The following KCNMA1 variants were observed in gnomAD, a reference collection of about 807,000 sequenced individuals.
The protein encoded by KCNMA1 is Calcium-activated potassium channel subunit alpha-1.
In KCNMA1, 29 loss-of-function variants were observed where a neutral mutation model predicts 140.0. The observed-to-expected ratio is 0.21, with a 90% CI of 0.15 to 0.28. KCNMA1 has a LOEUF of 0.28. Ranked by LOEUF, KCNMA1 falls within the 10% of genes least tolerant of loss-of-function variation. The pLI, the probability that KCNMA1 is intolerant of heterozygous loss-of-function variation, is 1.00. For synonymous variants in KCNMA1, 612 were observed against 611.9 expected (o/e 1.00, Z 0.00); for missense variants, 880 against 1,602.2 (o/e 0.55, Z 7.70).
At chr10:76,950,305 C>G (rs1214396367) in intron 21 of KCNMA1, among the ~76,000 whole-genome samples, 1 of 152,192 alleles carries the variant, frequency 6.6e-6, no homozygotes, top group Non-Finnish European at 1.5e-5. Flanking sequence ...GAGAAAAGAT[C>G]TCCCCAAATA....
intron 1 of KCNMA1, among the ~76,000 whole-genome samples, chr10:77,516,799 C>G (rs1031841778): frequency 3.3e-5 from 5 of 152,086 alleles, no homozygotes; most frequent in African/African-American, 1.2e-4. Flanking sequence ...AACGGGGGTG[C>G]CTGTGTGAGC....
intron 1 of KCNMA1, chr10:77,635,528 C>T (rs1197880795): frequency 6.6e-6 from 1 of 152,100 alleles, no homozygotes; most frequent in Non-Finnish European, 1.5e-5. Flanking sequence ...ATTCCCGAGA[C>T]TGTTGGGGGA....
chr10:77,001,606 G>A (rs1298063302), intron 18 of KCNMA1, 26 bp from the exon 19 acceptor site: 6 of 1,540,392 alleles, frequency 3.9e-6, no homozygotes, highest in Non-Finnish European at 5.3e-6. Context: ...TGGATGGGAG[G>A]AGAGGAAGAG....
At chr10:77,374,051 T>C (rs939801063) in intron 2 of KCNMA1, among the ~76,000 whole-genome samples, 4 of 152,166 alleles carry the variant, frequency 2.6e-5, no homozygotes, top group Admixed American at 1.3e-4. Context: ...CAATGGCTGA[T>C]TGAGAATCTT....
At chr10:77,588,345 A>G (rs1014293842) in intron 1 of KCNMA1, among the ~76,000 whole-genome samples, 2 of 152,232 alleles carry the variant, frequency 1.3e-5, no homozygotes, top group African/African-American at 4.8e-5. Flanking sequence ...TGTAGGGGAC[A>G]GAATGCAGAA....
chr10:77,308,668 T>A (rs1006752458), intron 2 of KCNMA1, among the ~76,000 whole-genome samples: 2 of 152,192 alleles, frequency 1.3e-5, no homozygotes, highest in African/African-American at 4.8e-5. Context: ...AATGGCAGCA[T>A]GAGGGATCAC....
At chr10:77,352,520 C>T (rs1396883223) in intron 2 of KCNMA1, among the ~76,000 whole-genome samples, 3 of 152,184 alleles carry the variant, frequency 2.0e-5, no homozygotes, top group Non-Finnish European at 4.4e-5. Flanking sequence ...CAAAGAGAAA[C>T]TGAACCTGTA....
intron 15 of KCNMA1, 142 bp downstream of exon 15, chr10:77,039,386 A>T: frequency 1.4e-6 from 1 of 701,956 alleles, no homozygotes; most frequent in Non-Finnish European, 2.6e-6. Flanking sequence ...CCTCCTATTC[A>T]TCACATGGGG....
At position 76,887,389 on chromosome 10, in the gene KCNMA1, C is replaced by T. The variant is rs75138661; in HGVS notation, c.3588G>A (p.Ser1196=). 42 of 1,613,928 alleles carry T rather than the reference C, an allele frequency of 2.6e-5. No individual in the cohort carries two copies. Among genetic ancestry groups the T allele is most frequent in the Admixed American group, 1.0e-4 (6 of 59,990 alleles). ...RASLSHSSHS[S]QSSSKKSSSV... The stretch of plus-strand genomic sequence containing the variant: ...AGGAGCTCTTCTTGCTGGAGGACTG[C>T]GACGAGTGGGAGGAATGGGACAGGC... Residue 1196 remains serine, a synonymous_variant, in exon 28 of 28, where the codon TCG becomes TCA. Transcript: ENST00000286628.
downstream of KCNMA1, chr10:76,872,283 G>C (rs759876041): frequency 6.6e-6 from 1 of 152,210 alleles, no homozygotes; most frequent in Non-Finnish European, 1.5e-5. Flanking sequence ...CAAAATGTGT[G>C]AGGAAGGTGC....
At chr10:77,005,490 C>T (rs1196350740) in intron 18 of KCNMA1, among the ~76,000 whole-genome samples, 1 of 152,188 alleles carries the variant, frequency 6.6e-6, no homozygotes, top group Non-Finnish European at 1.5e-5. Context: ...CATCTTAGGG[C>T]TCTTGAAACT....
At chr10:77,457,099 G>A (rs185649220) in intron 1 of KCNMA1, among the ~76,000 whole-genome samples, 49 of 152,178 alleles carry the variant, frequency 3.2e-4, no homozygotes, top group African/African-American at 1.2e-3. Flanking sequence ...GAAGGGCAAG[G>A]ACCCCTCCGA....
At chr10:77,535,913 G>GGATT (rs1285735002) in intron 1 of KCNMA1, among the ~76,000 whole-genome samples, 8 of 152,128 alleles carry the variant, frequency 5.3e-5, no homozygotes, top group Non-Finnish European at 1.0e-4. Context: ...ATATTAAGAG[G>GGATT]GATTGGTTGA....
At chr10:77,365,634 T>C (rs553398600) in intron 2 of KCNMA1, among the ~76,000 whole-genome samples, 2 of 152,274 alleles carry the variant, frequency 1.3e-5, no homozygotes, top group African/African-American at 4.8e-5. Context: ...CCACGTTTTG[T>C]TTCCTCTTTT....
intron 2 of KCNMA1, among the ~76,000 whole-genome samples, chr10:77,367,070 C>A (rs1371804260): frequency 6.6e-6 from 1 of 152,158 alleles, no homozygotes; most frequent in Non-Finnish European, 1.5e-5. Flanking sequence ...AAATAGCATG[C>A]ATACTGCATT....
intron 5 of KCNMA1, among the ~76,000 whole-genome samples, chr10:77,163,946 T>G (rs1463472032): frequency 6.6e-6 from 1 of 152,170 alleles, no homozygotes; most frequent in Non-Finnish European, 1.5e-5. Flanking sequence ...GGCATCACTG[T>G]TGAACAAATG....
chr10:77,157,791 G>A (rs76067448), intron 5 of KCNMA1, among the ~76,000 whole-genome samples: 3,298 of 152,280 alleles, frequency 0.022, 53 homozygotes, highest in Non-Finnish European at 0.034. Context: ...AGGCTGCAGT[G>A]TCTCCAAGCC....
At chr10:77,175,594 G>C (rs2098745614) in intron 5 of KCNMA1, among the ~76,000 whole-genome samples, 1 of 152,170 alleles carries the variant, frequency 6.6e-6, no homozygotes, top group Admixed American at 6.5e-5. Flanking sequence ...TGCGTATGGT[G>C]CTCCTATAGC....
At chr10:77,480,480 G>A (rs2098369641) in intron 1 of KCNMA1, among the ~76,000 whole-genome samples, 1 of 152,176 alleles carries the variant, frequency 6.6e-6, no homozygotes. Flanking sequence ...ATCAGACAGG[G>A]ACACGTTTAC....
Sources: allele counts gnomAD v4.1 joint callset (sites outside exome capture counted in the v4.1 genomes callset), GRCh38; gene constraint gnomAD v4.1.1; transcripts MANE v1.5; gene names NCBI Gene and HGNC (gene_info 2026-07-23, HGNC 2026-07-21).